NAV2: variants seen among roughly 807,000 people sequenced by gnomAD.
NAV2 encodes helicase, APC down-regulated 1.
In NAV2, 54 loss-of-function variants were observed where a neutral mutation model predicts 223.2. The observed-to-expected ratio is 0.24, with a 90% confidence interval of 0.19 to 0.30. The LOEUF (loss-of-function observed/expected upper bound fraction) is 0.30, where lower values mean the gene tolerates loss of function less well. Ranked by LOEUF, NAV2 falls within the 10% of genes least tolerant of loss-of-function variation. The pLI, the probability that NAV2 is intolerant of heterozygous loss-of-function variation, is 1.00. For missense variants in NAV2, 2,806 were observed against 3,147.5 expected (o/e 0.89, Z 2.60); for synonymous variants, 1,279 against 1,239.3 (o/e 1.03, Z -0.67).
intron 1 of NAV2, among the ~76,000 whole-genome samples, chr11:19,521,618 A>T (rs2043658785): frequency 1.3e-5 from 2 of 152,032 alleles, no homozygotes; most frequent in African/African-American, 4.8e-5. Context: ...CCTATCTGCC[A>T]CTCTGTAATA....
chr11:19,577,988 A>T (rs1255073820), intron 1 of NAV2, among the ~76,000 whole-genome samples: 1 of 152,220 alleles, frequency 6.6e-6, no homozygotes. Context: ...CTGCAAGGGG[A>T]GGAAAGAAAG....
intron 1 of NAV2, among the ~76,000 whole-genome samples, chr11:19,618,180 A>G (rs2046855251): frequency 6.6e-6 from 1 of 152,242 alleles, no homozygotes; most frequent in African/African-American, 2.4e-5. Context: ...TGCCTCAAAC[A>G]TAGTAGGTCC....
At chr11:19,702,695 T>C (rs2049541263) in intron 1 of NAV2, among the ~76,000 whole-genome samples, 1 of 151,900 alleles carries the variant, frequency 6.6e-6, no homozygotes, top group African/African-American at 2.4e-5. Context: ...GGAGAATTGC[T>C]TGAGTCCGGA....
chr11:19,625,073 T>C (rs1255839118), intron 1 of NAV2, among the ~76,000 whole-genome samples: 2 of 152,196 alleles, frequency 1.3e-5, no homozygotes, highest in African/African-American at 4.8e-5. Context: ...TTGGGAATGT[T>C]TAAGATCCTC....
intron 11 of NAV2, among the ~76,000 whole-genome samples, chr11:20,020,666 T>C (rs1042671119): frequency 6.6e-6 from 1 of 152,220 alleles, no homozygotes; most frequent in African/African-American, 2.4e-5. Flanking sequence ...CTCACCCCTG[T>C]AAAAATCATG....
chr11:19,677,114 G>A (rs2048737358), intron 1 of NAV2, among the ~76,000 whole-genome samples: 1 of 152,206 alleles, frequency 6.6e-6, no homozygotes, highest in African/African-American at 2.4e-5. Flanking sequence ...GGCCTCTGGG[G>A]CAAGCTGCAG....
At chr11:19,846,060 C>G (rs554874785) in intron 3 of NAV2, among the ~76,000 whole-genome samples, 129 of 152,244 alleles carry the variant, frequency 8.5e-4, no homozygotes, top group African/African-American at 3.0e-3. Flanking sequence ...ACCCATTCTA[C>G]CCCCAGGGCA....
intron 1 of NAV2, among the ~76,000 whole-genome samples, chr11:19,647,861 GCTC>G (rs2047860744): frequency 6.6e-6 from 1 of 152,186 alleles, no homozygotes; most frequent in African/African-American, 2.4e-5. Flanking sequence ...CGGTCATTGA[GCTC>G]CTATTGTATG....
chr11:20,103,149 G>A (rs2061757958), intron 32 of NAV2, 106 bp from the exon 33 acceptor site: 3 of 1,070,136 alleles, frequency 2.8e-6, no homozygotes, highest in East Asian at 2.4e-5. Context: ...ATCATGAAGG[G>A]CCTTTCTGCC....
chr11:19,590,601 C>T (rs2046032167), intron 1 of NAV2, among the ~76,000 whole-genome samples: 1 of 152,148 alleles, frequency 6.6e-6, no homozygotes, highest in Non-Finnish European at 1.5e-5. Context: ...TTTTACAGCT[C>T]AAAATCCATT....
At chr11:19,352,565 ACAT>A (rs1366708080) in intron 1 of NAV2, among the ~76,000 whole-genome samples, 1 of 152,222 alleles carries the variant, frequency 6.6e-6, no homozygotes, top group Non-Finnish European at 1.5e-5. Context: ...AGCTGGGGTA[ACAT>A]CAATTGGTCA....
chr11:19,911,537 G>A (rs534215701), intron 6 of NAV2, among the ~76,000 whole-genome samples: 74 of 152,308 alleles, frequency 4.9e-4, no homozygotes, highest in African/African-American at 1.8e-3. Flanking sequence ...GAGCATGCCT[G>A]TCATGTTCAA....
intron 16 of NAV2, among the ~76,000 whole-genome samples, 157 bp downstream of exon 16, chr11:20,050,058 T>A (rs1393933847): frequency 6.6e-6 from 1 of 152,034 alleles, no homozygotes; most frequent in East Asian, 1.9e-4. Context: ...CCAGTGAGAG[T>A]CTGTTCCTCT....
At position 19,966,759 on chromosome 11, in the gene NAV2, C is replaced by T. The variant is rs1304464447; in HGVS notation, c.2646-17366C>T. On this transcript the variant is annotated intron_variant, in intron 10 of 37. Coordinates refer to ENST00000349880, the MANE Select transcript of NAV2 (RefSeq NM_145117.5). The stretch of plus-strand genomic sequence containing the variant: ...GGTCTCCCTCCTCTGAGTTTCCAAA[C>T]GCCTGGTAACAGCTCCCAGATGGCT... 5.9e-5 allele frequency among the ~76,000 whole-genome samples: 9 copies of T among 152,184 alleles called. No homozygotes were observed. In the South Asian group the frequency reaches 1.0e-3, roughly 18 times the overall value.
chr11:19,933,960 G>T lies in NAV2; in HGVS notation c.1716G>T (p.Met572Ile). The change falls in exon 7 of 38, where the codon ATG (methionine) becomes ATT (isoleucine). Residue 572 changes from methionine (M) to isoleucine (I), a missense_variant. Met to Ile is a conservative substitution (Grantham distance 10). Around this residue, in one of 4 missense-constraint regions of NAV2, gnomAD observed 1,167 missense variants for 1,180.5 expected, o/e 0.99. Coordinates refer to ENST00000349880, the MANE Select transcript of NAV2 (RefSeq NM_145117.5). The surrounding 1 kb of genome is among the most constrained non-coding windows in gnomAD (Gnocchi z 4.3). ...TACCAAAACCAGGAATGAAAAGCAT[G>T]CCCGGGAAATCCCCAAGTGCCCCAG... is the stretch of plus-strand genomic sequence containing the variant. ...SGIPKPGMKSMPGKSPSAPAP... is the reference protein window; with the variant it reads ...SGIPKPGMKSIPGKSPSAPAP... 3 of 1,596,824 alleles carry T rather than the reference G, an allele frequency of 1.9e-6. No individual in the cohort carries two copies. Among genetic ancestry groups the T allele is most frequent in the Non-Finnish European group, 1.7e-6 (2 of 1,173,162 alleles).
chr11:19,419,471 A>T (rs1348630034), intron 1 of NAV2, among the ~76,000 whole-genome samples: 1 of 152,200 alleles, frequency 6.6e-6, no homozygotes, highest in South Asian at 2.1e-4. Context: ...TGCTGCAGCA[A>T]TCGACTGCTC....
chr11:19,571,746 AT>A (rs2045433152), intron 1 of NAV2, among the ~76,000 whole-genome samples: 1 of 152,130 alleles, frequency 6.6e-6, no homozygotes, highest in African/African-American at 2.4e-5. Context: ...ATTTTATGTT[AT>A]GTCGATTTTA....
intron 1 of NAV2, among the ~76,000 whole-genome samples, chr11:19,738,130 A>G (rs1236103463): frequency 6.6e-6 from 1 of 152,266 alleles, no homozygotes; most frequent in Non-Finnish European, 1.5e-5. Context: ...CTTCCCTGAC[A>G]TGGCATGCAG....
At chr11:19,999,505 A>G (rs918335734) in intron 11 of NAV2, among the ~76,000 whole-genome samples, 11 of 152,136 alleles carry the variant, frequency 7.2e-5, no homozygotes, top group Non-Finnish European at 1.0e-4. Context: ...AGTAGCTGGG[A>G]TTACAGGCAC....
Sources: gnomAD v4.1 joint callset for allele counts (sites outside exome capture counted in the v4.1 genomes callset) on GRCh38, gnomAD v4.1.1 for gene constraint, gnomAD v4.1.1 regional missense constraint, Gnocchi (gnomAD v3.1) non-coding constraint, MANE v1.5 for transcripts, NCBI Gene and HGNC (gene_info 2026-07-23, HGNC 2026-07-21) for gene names.